Variants in SOX7 observed in about 807,000 individuals in gnomAD.
SOX7 encodes transcription factor SOX-7.
Under a neutral mutation model 24.9 loss-of-function variants are expected in SOX7, and 19 were observed. That is an observed-to-expected ratio of 0.76 (90% CI 0.53 to 1.12). The LOEUF is 1.12. SOX7 is among the 50% of genes most tolerant of loss of function. The pLI is 0.00. For synonymous variants in SOX7, 327 were observed against 244.5 expected (o/e 1.34, Z -3.15); for missense variants, 702 against 535.0 (o/e 1.31, Z -3.08).
In SOX7 at chr8:10,725,919, C is replaced by T. The variant is rs370726272; in HGVS notation, c.986G>A (p.Arg329His). 2.5e-6 allele frequency: 4 copies of T among 1,613,988 alleles called. No individual in the cohort carries two copies. Among genetic ancestry groups the T allele is most frequent in the Middle Eastern group, 3.3e-4 (2 of 6,082 alleles). ...SQVELLGDMD[R>H]NEFDQYLNTP... ...GTTCAAATACTGGTCGAATTCATTG[C>T]GATCCATGTCCCCCAGGAGTTCCAC... The change falls in exon 2 of 2, where the codon CGC becomes CAC. Residue 329 changes from arginine (R) to histidine (H), a missense_variant. Physicochemically the swap from Arg to His is conservative, Grantham distance 29. Coordinates refer to ENST00000304501, the MANE Select transcript of SOX7 (RefSeq NM_031439.4).
intron 1 of SOX7, among the ~76,000 whole-genome samples, chr8:10,728,332 G>C (rs1165574646): frequency 6.6e-6 from 1 of 152,168 alleles, no homozygotes; most frequent in African/African-American, 2.4e-5. Context: ...CATTTTTAAT[G>C]TTAAGGTTTG....
At position 10,726,685 on chromosome 8, in the gene SOX7, G is replaced by C; in HGVS notation, c.239-19C>G. The C allele has an allele frequency of 1.9e-6, 3 of 1,549,066 alleles. No homozygotes were observed. Among genetic ancestry groups the C allele is most frequent in the South Asian group, 2.4e-5 (2 of 81,940 alleles). On this transcript the variant is annotated intron_variant, in intron 1 of 1. Coordinates refer to ENST00000304501, the MANE Select transcript of SOX7 (RefSeq NM_031439.4). ...GACTTTCCTGCTCACACAAGGCAGA[G>C]GAGGCCATGCTCAGTGCTGTGCCCC... is the stretch of plus-strand genomic sequence containing the variant.
chr8:10,725,613 C>A lies in SOX7; in HGVS notation c.*125G>T. The A allele has an allele frequency of 1.0e-6, 1 of 991,706 alleles. No homozygotes were observed. The highest frequency in any genetic ancestry group is 1.6e-5 in the South Asian group (1 of 64,458). 61.4% of individuals were successfully genotyped at this position (991,706 alleles called of 1,614,324 possible). On this transcript the variant is annotated 3_prime_UTR_variant, in exon 2 of 2. Transcript: ENST00000304501. Reference sequence around the variant, plus strand: ...CCAGCTTAGGCCAAAGGCTCTGGGGCCGCAGTTCAGACCTCCCTGCCCTGA... The same window carrying A: ...CCAGCTTAGGCCAAAGGCTCTGGGGACGCAGTTCAGACCTCCCTGCCCTGA...
chr8:10,725,622 A>G lies in SOX7; in HGVS notation c.*116T>C. 1 of 1,135,694 alleles carries G rather than the reference A, an allele frequency of 8.8e-7. No homozygotes were observed. The highest frequency in any genetic ancestry group is 2.5e-5 in the East Asian group (1 of 40,378). 70.4% of individuals were successfully genotyped at this position (1,135,694 alleles called of 1,614,324 possible). A position where few individuals can be genotyped will look rare whatever the true frequency, so the allele number is the denominator to read the frequency against. On this transcript the variant is annotated 3_prime_UTR_variant, in exon 2 of 2. Transcript: ENST00000304501. ...GCCAAAGGCTCTGGGGCCGCAGTTC[A>G]GACCTCCCTGCCCTGAGCGGTGGGA... is the stretch of plus-strand genomic sequence containing the variant.
At chr8:10,727,366 C>T (rs879788285) in intron 1 of SOX7, among the ~76,000 whole-genome samples, 3 of 152,194 alleles carry the variant, frequency 2.0e-5, no homozygotes, top group Non-Finnish European at 2.9e-5. Flanking sequence ...ACATGCAAAC[C>T]GTCACTTCCA....
intron 1 of SOX7, among the ~76,000 whole-genome samples, chr8:10,728,664 C>T (rs1800202241): frequency 6.6e-6 from 1 of 152,188 alleles, no homozygotes; most frequent in South Asian, 2.1e-4. Context: ...GTCCCTGCCC[C>T]TTTCCTGGGA....
At position 10,724,660 on chromosome 8, in the gene SOX7, G is replaced by A. The variant is rs1401797650; in HGVS notation, c.*1078C>T. The A allele has an allele frequency of 3.3e-5, 5 of 151,594 alleles. No individual in the cohort carries two copies. The highest frequency in any genetic ancestry group is 9.7e-5 in the African/African-American group (4 of 41,244). The allele number at this position is 151,594 out of a possible 1,614,324, so 9.4% of individuals were successfully genotyped here. On this transcript the variant is annotated 3_prime_UTR_variant, in exon 2 of 2. Coordinates refer to ENST00000304501, the MANE Select transcript of SOX7 (RefSeq NM_031439.4). ...TCTGATTTAGACTTTGAGTTTAGGA[G>A]TTGCATGAAGTGGGCATGTGTCTCT...
rs1248907272 is a variant in SOX7 at position 10,724,376 on chromosome 8, G to A, written c.*1362C>T. On this transcript the variant is annotated 3_prime_UTR_variant, in exon 2 of 2. Coordinates refer to ENST00000304501, the MANE Select transcript of SOX7 (RefSeq NM_031439.4). ...GCTAAAGGAAGCATGCTTGGGATAA[G>A]TCAGGGGCTGTTTCAGTTAGGGACC... 1.3e-5 allele frequency: 2 copies of A among 152,244 alleles called. No individual in the cohort carries two copies. Among genetic ancestry groups the A allele is most frequent in the Non-Finnish European group, 2.9e-5 (2 of 68,064 alleles). 9.4% of individuals were successfully genotyped at this position (152,244 alleles called of 1,614,324 possible). A position where few individuals can be genotyped will look rare whatever the true frequency, so the allele number is the denominator to read the frequency against.
rs1324711233 is a variant in SOX7 at position 10,725,976 on chromosome 8, G to A, written c.929C>T (p.Pro310Leu). The change falls in exon 2 of 2, where the codon CCT becomes CTT. Residue 310 changes from proline to leucine, a missense_variant. Transcript: ENST00000304501. ...CAGTTGATCCAGGGCGTCGAAGCCA[G>A]GGTGCTCAGGAGGCGGGGAAAGCTG... is the stretch of plus-strand genomic sequence containing the variant. ...LGQLSPPPEH[P>L]GFDALDQLSQ... 1 of 1,606,970 alleles carries A rather than the reference G, an allele frequency of 6.2e-7. No individual in the cohort carries two copies. Among genetic ancestry groups the A allele is most frequent in the East Asian group, 2.2e-5 (1 of 44,790 alleles).
At position 10,730,065 on chromosome 8, in the gene SOX7, G is replaced by T; in HGVS notation, c.238+131C>A. On this transcript the variant is annotated intron_variant, in intron 1 of 1. Transcript: ENST00000304501. The surrounding 1 kb of genome is among the most constrained non-coding windows in gnomAD (Gnocchi z 4.8). ...GCTCGCGCAGATGGCCAGCCACGCG[G>T]GCACGAAGAGGGCCCTCGTCCCGCG... 1.9e-6 allele frequency: 1 copy of T among 539,784 alleles called. No homozygotes were observed. Among genetic ancestry groups the T allele is most frequent in the Non-Finnish European group, 2.8e-6 (1 of 356,698 alleles). The allele number at this position is 539,784 out of a possible 1,614,324, so 33.4% of individuals were successfully genotyped here.
Position 10,725,850 on chromosome 8 carries a change from C to G in SOX7, c.1055G>C (p.Ser352Thr). The G allele has an allele frequency of 6.2e-7, 1 of 1,614,226 alleles. No homozygotes were observed. Among genetic ancestry groups the G allele is most frequent in the Non-Finnish European group, 8.5e-7 (1 of 1,180,040 alleles). ...CACCTGGGAGACCGGAACATGCCCA[C>G]TGAGGGCCATGGCCCCTGTGGCGGA... ...PDSATGAMAL[S>T]GHVPVSQVTP... is the part of the protein sequence containing the mutation. The change falls in exon 2 of 2, where the codon AGT becomes ACT. Residue 352 changes from serine (S) to threonine (T), a missense_variant. Physicochemically the swap from Ser to Thr is moderately conservative, Grantham distance 58. Coordinates refer to ENST00000304501, the MANE Select transcript of SOX7 (RefSeq NM_031439.4).
In SOX7 at chr8:10,730,277, T is replaced by G. The variant is rs780192420; in HGVS notation, c.157A>C (p.Met53Leu). The change falls in exon 1 of 2, where the codon ATG (methionine) becomes CTG (leucine). Residue 53 changes from methionine (M) to leucine (L), a missense_variant. Coordinates refer to ENST00000304501, the MANE Select transcript of SOX7 (RefSeq NM_031439.4). The surrounding 1 kb of genome is among the most constrained non-coding windows in gnomAD (Gnocchi z 4.8). ...TTCCTCTCGTCCTTGGCCCAAACCA[T>G]GAAGGCGTTCATGGGCCGCCGGATA... ...SRIRRPMNAF[M>L]VWAKDERKRL... The G allele has an allele frequency of 6.3e-7, 1 of 1,579,728 alleles. No homozygotes were observed. The highest frequency in any genetic ancestry group is 8.6e-7 in the Non-Finnish European group (1 of 1,164,336).
At position 10,725,850 on chromosome 8, in the gene SOX7, C is replaced by A. The variant is rs749241622; in HGVS notation, c.1055G>T (p.Ser352Ile). 6.2e-7 allele frequency: 1 copy of A among 1,614,226 alleles called. No homozygotes were observed. Among genetic ancestry groups the A allele is most frequent in the Admixed American group, 1.7e-5 (1 of 60,030 alleles). Reference protein sequence around the residue: ...PDSATGAMALSGHVPVSQVTP... With the variant: ...PDSATGAMALIGHVPVSQVTP... The stretch of plus-strand genomic sequence containing the variant: ...CACCTGGGAGACCGGAACATGCCCA[C>A]TGAGGGCCATGGCCCCTGTGGCGGA... Residue 352 changes from serine (S) to isoleucine (I), a missense_variant, in exon 2 of 2, where the codon AGT becomes ATT. Ser to Ile is a moderately radical substitution (Grantham distance 142). Coordinates refer to ENST00000304501, the MANE Select transcript of SOX7 (RefSeq NM_031439.4).
chr8:10,726,277 G>T lies in SOX7; in HGVS notation c.628C>A (p.Leu210Met), dbSNP rs929313949. The T allele has an allele frequency of 7.4e-6, 12 of 1,613,788 alleles. No individual in the cohort carries two copies. Among genetic ancestry groups the T allele is most frequent in the African/African-American group, 1.3e-5 (1 of 74,882 alleles). Reference sequence around the variant, plus strand: ...GTCTGCTCCGGCTCCAGCACGTCCAGGGGAGACATTTCAGGAGGTGTGGGC... The same window carrying T: ...GTCTGCTCCGGCTCCAGCACGTCCATGGGAGACATTTCAGGAGGTGTGGGC... ...GLPTPPEMSP[L>M]DVLEPEQTFF... The change falls in exon 2 of 2, where the codon CTG (leucine) becomes ATG (methionine). Residue 210 changes from leucine to methionine, a missense_variant. Leu to Met is a conservative substitution (Grantham distance 15, BLOSUM62 2). Coordinates refer to ENST00000304501, the MANE Select transcript of SOX7 (RefSeq NM_031439.4).
chr8:10,730,247 G>A lies in SOX7; in HGVS notation c.187C>T (p.Leu63=), dbSNP rs778203278. Residue 63 remains leucine, a synonymous_variant, in exon 1 of 2, where the codon CTG becomes TTG. Transcript: ENST00000304501. The surrounding 1 kb of genome is among the most constrained non-coding windows in gnomAD (Gnocchi z 4.8). Reference sequence around the variant, plus strand: ...TGCAGGTCCGGGTTCTGCACTGCCAGCCGTTTCCTCTCGTCCTTGGCCCAA... The same window carrying A: ...TGCAGGTCCGGGTTCTGCACTGCCAACCGTTTCCTCTCGTCCTTGGCCCAA... ...MVWAKDERKR[L]AVQNPDLHNA... is the part of the protein sequence containing the mutation. 1.9e-6 allele frequency: 3 copies of A among 1,574,952 alleles called. No individual in the cohort carries two copies. The highest frequency in any genetic ancestry group is 2.8e-5 in the African/African-American group (2 of 71,036).
intron 1 of SOX7, among the ~76,000 whole-genome samples, chr8:10,727,727 A>C (rs530347806): frequency 6.6e-6 from 1 of 152,150 alleles, no homozygotes; most frequent in Admixed American, 6.5e-5. Context: ...TTGCTTTGCT[A>C]CCTCCTAAGG....
rs571954045 is a variant in SOX7, at chr8:10,727,396, C to T, written c.239-730G>A. ...CTTCCAGCCAGCCATCTTTTGGGGACCCTTGACGGTGCCAGGGCACCTGCT... is the reference window on the plus strand; with the variant it reads ...CTTCCAGCCAGCCATCTTTTGGGGATCCTTGACGGTGCCAGGGCACCTGCT... On this transcript the variant is annotated intron_variant, in intron 1 of 1. Transcript: ENST00000304501. Among the ~76,000 whole-genome samples the T allele has an allele frequency of 6.6e-5, 10 of 152,294 alleles. No homozygotes were observed. The East Asian group carries it at 1.2e-3, about 18-fold the overall frequency.
intron 1 of SOX7, among the ~76,000 whole-genome samples, chr8:10,729,925 G>A (rs1800227027): frequency 6.6e-6 from 1 of 151,948 alleles, no homozygotes; most frequent in Non-Finnish European, 1.5e-5. Flanking sequence ...CCGCCCCCTG[G>A]GGCGCCGATC....
Position 10,730,138 on chromosome 8 carries a change from G to T in SOX7, c.238+58C>A, listed in dbSNP as rs1256425122. On this transcript the variant is annotated intron_variant, in intron 1 of 1. Coordinates refer to ENST00000304501, the MANE Select transcript of SOX7 (RefSeq NM_031439.4). This position sits in a 1 kb window ranked among gnomAD's most constrained non-coding sequence, Gnocchi z 4.8. ...GCGCTCGCACCCGCCCTGCAGTGCC[G>T]CCAGCCGCCCGCCGCCCGCCCCCGG... 3.1e-6 allele frequency: 4 copies of T among 1,289,500 alleles called. No homozygotes were observed. Among genetic ancestry groups the T allele is most frequent in the South Asian group, 4.4e-5 (2 of 45,462 alleles). 79.9% of individuals were successfully genotyped at this position (1,289,500 alleles called of 1,614,324 possible). A position where few individuals can be genotyped will look rare whatever the true frequency, so the allele number is the denominator to read the frequency against.
Sources: allele counts gnomAD v4.1 joint callset (sites outside exome capture counted in the v4.1 genomes callset), GRCh38; gene constraint gnomAD v4.1.1; non-coding constraint Gnocchi (gnomAD v3.1); transcripts MANE v1.5; gene names NCBI Gene and HGNC (gene_info 2026-07-23, HGNC 2026-07-21).